Variants in HTR7 observed in about 807,000 individuals in gnomAD.
HTR7 encodes 5-hydroxytryptamine receptor 7, also known as 5-HT-7.
A neutral mutation model predicts 34.0 loss-of-function variants in HTR7; 16 were observed. The ratio of observed to expected loss-of-function variants is 0.47; its 90% CI spans 0.32 to 0.71. The LOEUF (loss-of-function observed/expected upper bound fraction) is 0.71, where lower values mean the gene tolerates loss of function less well. Among genes scored for constraint, HTR7 ranks in the 30% least tolerant of loss-of-function variants. The pLI is 0.04. For synonymous variants in HTR7, 265 were observed against 260.2 expected (o/e 1.02, Z -0.18); for missense variants, 504 against 625.5 (o/e 0.81, Z 2.07).
intron 1 of HTR7, among the ~76,000 whole-genome samples, chr10:90,797,853 A>C (rs912589180): frequency 1.3e-5 from 2 of 152,212 alleles, no homozygotes; most frequent in African/African-American, 4.8e-5. Context: ...ACAATTCTGG[A>C]GGCTAGGAAG....
chr10:90,842,568 A>G (rs1318283227), intron 1 of HTR7, among the ~76,000 whole-genome samples: 3 of 152,114 alleles, frequency 2.0e-5, no homozygotes, highest in Non-Finnish European at 4.4e-5. Flanking sequence ...GGATTAAATG[A>G]GATGAATCAT....
intron 1 of HTR7, among the ~76,000 whole-genome samples, chr10:90,822,498 A>G (rs951343332): frequency 2.0e-5 from 3 of 152,228 alleles, no homozygotes; most frequent in Non-Finnish European, 4.4e-5. Flanking sequence ...AAGCAAAGAG[A>G]TGATCTGAAA....
At chr10:90,771,372 T>C (rs1845107439) in intron 1 of HTR7, among the ~76,000 whole-genome samples, 1 of 152,188 alleles carries the variant, frequency 6.6e-6, no homozygotes, top group African/African-American at 2.4e-5. Context: ...AGAGCTGCTA[T>C]AACACAAACA....
chr10:90,743,399 C>T (rs1398462487), intron 3 of HTR7, among the ~76,000 whole-genome samples, 194 bp downstream of exon 3: 1 of 152,198 alleles, frequency 6.6e-6, no homozygotes, highest in Non-Finnish European at 1.5e-5. Context: ...CTCTAGGCTC[C>T]ACGTATCTGA....
chr10:90,841,686 C>T (rs1251193920), intron 1 of HTR7, among the ~76,000 whole-genome samples: 1 of 152,106 alleles, frequency 6.6e-6, no homozygotes, highest in East Asian at 1.9e-4. Context: ...TTCACAAAGC[C>T]AGTGCCCCCT....
rs77843021 is a variant in HTR7 at position 90,816,808 on chromosome 10, T to C, written c.539+40325A>G. 1.6e-3 allele frequency among the ~76,000 whole-genome samples: 245 copies of C among 152,328 alleles called. 7 individuals are homozygous for C. The East Asian group carries it at 0.042, about 26-fold the overall frequency. Reference sequence around the variant, plus strand: ...CTCCCTCTAAGCCCGGGGACTATCATGGAAGAAGCGGGCACATGAAACTGT... The same window carrying C: ...CTCCCTCTAAGCCCGGGGACTATCACGGAAGAAGCGGGCACATGAAACTGT... On this transcript the variant is annotated intron_variant, in intron 1 of 3. Transcript: ENST00000336152.
At chr10:90,781,811 T>C (rs1417156462) in intron 1 of HTR7, among the ~76,000 whole-genome samples, 1 of 152,246 alleles carries the variant, frequency 6.6e-6, no homozygotes, top group East Asian at 1.9e-4. Context: ...CACTGTTCTT[T>C]GCCCATTACA....
Position 90,748,979 on chromosome 10 carries a change from G to A in HTR7, c.1155C>T (p.Ala385=). The change falls in exon 2 of 4, where the codon GCC becomes GCT. Residue 385 remains alanine, a synonymous_variant. Coordinates refer to ENST00000336152, the MANE Select transcript of HTR7 (RefSeq NM_019859.4). ...ANSLINPFIY[A]FFNRDLRTTY... ...TGGTCCTCAGGTCCCGGTTGAAGAAGGCATATATAAAAGGGTTAATGAGAG... is the reference window on the plus strand; with the variant it reads ...TGGTCCTCAGGTCCCGGTTGAAGAAAGCATATATAAAAGGGTTAATGAGAG... 2 of 1,614,080 alleles carry A rather than the reference G, an allele frequency of 1.2e-6. No individual in the cohort carries two copies. The highest frequency in any genetic ancestry group is 1.7e-6 in the Non-Finnish European group (2 of 1,180,010).
intron 1 of HTR7, among the ~76,000 whole-genome samples, chr10:90,807,060 C>A: frequency 6.6e-6 from 1 of 152,172 alleles, no homozygotes; most frequent in East Asian, 1.9e-4. Context: ...CCTAAAAAAC[C>A]TTTACTAAAA....
intron 1 of HTR7, among the ~76,000 whole-genome samples, chr10:90,763,819 T>C (rs1844976723): frequency 6.6e-6 from 1 of 152,250 alleles, no homozygotes; most frequent in African/African-American, 2.4e-5. Context: ...GGCTGCATAG[T>C]ATTCCATGGT....
chr10:90,839,664 G>A (rs921404507), intron 1 of HTR7, among the ~76,000 whole-genome samples: 20 of 152,022 alleles, frequency 1.3e-4, no homozygotes, highest in Admixed American at 1.1e-3. Context: ...ACTTTAACAC[G>A]CAACATCAGA....
At chr10:90,808,490 C>T (rs1192484401) in intron 1 of HTR7, among the ~76,000 whole-genome samples, 3 of 151,946 alleles carry the variant, frequency 2.0e-5, no homozygotes, top group South Asian at 2.1e-4. Flanking sequence ...TCCCTTATGT[C>T]CATGCCCCGA....
At chr10:90,823,371 G>A (rs903505754) in intron 1 of HTR7, among the ~76,000 whole-genome samples, 21 of 152,234 alleles carry the variant, frequency 1.4e-4, no homozygotes, top group African/African-American at 4.8e-4. Context: ...GCTTTAAGAT[G>A]TAATGACTGC....
At chr10:90,831,598 CCTG>C (rs1846180412) in intron 1 of HTR7, among the ~76,000 whole-genome samples, 1 of 152,176 alleles carries the variant, frequency 6.6e-6, no homozygotes, top group South Asian at 2.1e-4. Context: ...GCTCGCGCAG[CCTG>C]CTTTTATTCT....
At chr10:90,839,526 A>G (rs980194419) in intron 1 of HTR7, among the ~76,000 whole-genome samples, 3 of 152,242 alleles carry the variant, frequency 2.0e-5, no homozygotes, top group African/African-American at 2.4e-5. Context: ...CATGCCCAGA[A>G]AAACAGAATA....
chr10:90,765,600 G>T (rs1296826908), intron 1 of HTR7, among the ~76,000 whole-genome samples: 3 of 149,160 alleles, frequency 2.0e-5, no homozygotes, highest in African/African-American at 7.4e-5. Context: ...ATAATTCCTT[G>T]ACATATAAAG....
chr10:90,751,297 T>A (rs768597277), intron 1 of HTR7, among the ~76,000 whole-genome samples: 1 of 150,622 alleles, frequency 6.6e-6, no homozygotes, highest in Non-Finnish European at 1.5e-5. Flanking sequence ...AGAGAGGGAG[T>A]GAAGGAGTAA....
chr10:90,802,785 T>A (rs1218718585), intron 1 of HTR7, among the ~76,000 whole-genome samples: 4 of 152,186 alleles, frequency 2.6e-5, no homozygotes, highest in African/African-American at 9.7e-5. Flanking sequence ...AAATTCATGA[T>A]CATGGAATCA....
At chr10:90,817,280 A>G (rs910309436) in intron 1 of HTR7, among the ~76,000 whole-genome samples, 1 of 152,092 alleles carries the variant, frequency 6.6e-6, no homozygotes, top group African/African-American at 2.4e-5. Flanking sequence ...ACTTCCTGAT[A>G]CTCCCACCTT....
Sources: allele counts gnomAD v4.1 joint callset (sites outside exome capture counted in the v4.1 genomes callset), GRCh38; gene constraint gnomAD v4.1.1; transcripts MANE v1.5; gene names NCBI Gene and HGNC (gene_info 2026-07-23, HGNC 2026-07-21).